The following ENO4 variants were observed in gnomAD, a reference collection of about 807,000 sequenced individuals.
ENO4 encodes enolase 4, also known as 2-phospho-D-glycerate hydro-lyase.
ENO4 carries 53 observed loss-of-function variants against 63.2 expected under a neutral mutation model. The ratio of observed to expected loss-of-function variants is 0.84; its 90% CI spans 0.67 to 1.05. The LOEUF (loss-of-function observed/expected upper bound fraction) is 1.05. Among genes scored for constraint, ENO4 ranks in the 50% least tolerant of loss-of-function variants. The pLI, the probability that ENO4 is intolerant of heterozygous loss-of-function variation, is 0.00. For missense variants in ENO4, 719 were observed against 772.0 expected (o/e 0.93, Z 0.81); for synonymous variants, 266 against 283.8 (o/e 0.94, Z 0.63).
At chr10:116,852,239 C>A (rs957353171) in intron 1 of ENO4, among the ~76,000 whole-genome samples, 1 of 152,198 alleles carries the variant, frequency 6.6e-6, no homozygotes, top group Admixed American at 6.5e-5. Context: ...CTGTGCAGAA[C>A]TGTGAGTCAA....
chr10:116,849,534 G>C lies in ENO4; in HGVS notation c.-33G>C, dbSNP rs888956007. 60 of 1,488,154 alleles carry C rather than the reference G, an allele frequency of 4.0e-5. No individual in the cohort carries two copies. The highest frequency in any genetic ancestry group is 7.0e-5 in the African/African-American group (5 of 71,198). The allele number at this position is 1,488,154 out of a possible 1,614,324, so 92.2% of individuals were successfully genotyped here. ...AGCAGGGACGCTCGTGGGACCCCAG[G>C]CTAAACCCCGCTGTAGCCTTAAATC... On this transcript the variant is annotated 5_prime_UTR_variant, in exon 1 of 14. Transcript: ENST00000341276.
chr10:116,909,174 T>C (rs975913075), intron 10 of ENO4, among the ~76,000 whole-genome samples: 5 of 152,196 alleles, frequency 3.3e-5, no homozygotes, highest in East Asian at 1.9e-4. Context: ...CAATAAGTCA[T>C]TGATAGGGCT....
chr10:116,884,938 G>A (rs1847118784), downstream of ENO4: 5 of 152,196 alleles, frequency 3.3e-5, no homozygotes, highest in Admixed American at 6.5e-5. Flanking sequence ...GAAAGATACA[G>A]TTGAAAAACA....
intron 10 of ENO4, among the ~76,000 whole-genome samples, chr10:116,910,655 A>G (rs1192765964): frequency 6.6e-6 from 1 of 152,246 alleles, no homozygotes; most frequent in African/African-American, 2.4e-5. Flanking sequence ...TGTGCCCCAG[A>G]GGACATCTTT....
At chr10:116,880,571 G>A (rs2133284664) in intron 13 of ENO4, among the ~76,000 whole-genome samples, 1 of 152,264 alleles carries the variant, frequency 6.6e-6, no homozygotes, top group East Asian at 1.9e-4. Flanking sequence ...GAGGCCTATA[G>A]CATGCAGTGG....
chr10:116,856,059 T>G (rs767678620), intron 2 of ENO4, among the ~76,000 whole-genome samples: 16 of 152,212 alleles, frequency 1.1e-4, no homozygotes, highest in Non-Finnish European at 1.8e-4. Flanking sequence ...ACATGTAGGT[T>G]TATAGATTAG....
At chr10:116,893,281 T>G (rs1261959770) in intron 10 of ENO4, among the ~76,000 whole-genome samples, 1 of 152,130 alleles carries the variant, frequency 6.6e-6, no homozygotes, top group African/African-American at 2.4e-5. Context: ...GAACATCCAG[T>G]TGTTCTGCTA....
At chr10:116,908,650 CTTGAT>C (rs960900845) in intron 10 of ENO4, among the ~76,000 whole-genome samples, 46 of 152,126 alleles carry the variant, frequency 3.0e-4, no homozygotes, top group African/African-American at 9.4e-4. Context: ...TTCTCAATGG[CTTGAT>C]TTAATTCAAG....
intron 10 of ENO4, among the ~76,000 whole-genome samples, chr10:116,907,217 G>C (rs1440117456): frequency 6.6e-6 from 1 of 152,176 alleles, no homozygotes; most frequent in Non-Finnish European, 1.5e-5. Flanking sequence ...CTGCACACCT[G>C]ATGTCCGTGG....
At position 116,855,740 on chromosome 10, in the gene ENO4, A is replaced by G. The variant is rs1179750007; in HGVS notation, c.283A>G (p.Asn95Asp). 16 of 1,534,880 alleles carry G rather than the reference A, an allele frequency of 1.0e-5. No homozygotes were observed. The highest frequency in any genetic ancestry group is 2.7e-5 in the African/African-American group (2 of 72,996). Residue 95 changes from asparagine (N) to aspartate (D), a missense_variant, in exon 2 of 14, where the codon AAC becomes GAC. Transcript: ENST00000341276. ...LQVDIFCTIQ[N>D]FPKNVCSVVI... is the part of the protein sequence containing the mutation. ...AGTGGACATATTCTGCACCATTCAA[A>G]ACTTTCCCAAGGTATGAGGCAGTTT...
At chr10:116,893,792 AGTTT>A (rs961957791) in intron 10 of ENO4, among the ~76,000 whole-genome samples, 41 of 152,326 alleles carry the variant, frequency 2.7e-4, no homozygotes, top group African/African-American at 9.6e-4. Context: ...TGAGATAATT[AGTTT>A]GAGAGAATAA....
At chr10:116,856,056 G>C (rs116913665) in intron 2 of ENO4, among the ~76,000 whole-genome samples, 1,771 of 152,142 alleles carry the variant, frequency 0.012, 21 homozygotes, top group Middle Eastern at 0.021. Flanking sequence ...TCTACATGTA[G>C]GTTTATAGAT....
downstream of ENO4, among the ~76,000 whole-genome samples, chr10:116,887,389 T>G (rs1301153179): frequency 6.6e-6 from 1 of 152,186 alleles, no homozygotes; most frequent in East Asian, 1.9e-4. Context: ...TGGAGGCAGC[T>G]GCAGCAGGCA....
Position 116,855,715 on chromosome 10 carries a change from A to G in ENO4, c.258A>G (p.Gln86=). The change falls in exon 2 of 14, where the codon CAA becomes CAG. Residue 86 remains glutamine (Q), a synonymous_variant. Coordinates refer to ENST00000341276, the MANE Select transcript of ENO4 (RefSeq NM_001242699.2). ...ATGGACTGGGGCTTCCAACCCTGCA[A>G]GTGGACATATTCTGCACCATTCAAA... ...VLDGLGLPTL[Q]VDIFCTIQNF... is the part of the protein sequence containing the mutation. 1 of 1,536,618 alleles carries G rather than the reference A, an allele frequency of 6.5e-7. No homozygotes were observed. The highest frequency in any genetic ancestry group is 8.7e-7 in the Non-Finnish European group (1 of 1,147,028).
intron 4 of ENO4, 128 bp from the exon 5 acceptor site, chr10:116,860,666 T>A (rs1846385192): frequency 1.5e-6 from 1 of 645,724 alleles, no homozygotes; most frequent in Admixed American, 3.8e-5. Context: ...CAGAAAACTT[T>A]TTGGGGGTTG....
chr10:116,849,804 C>A (rs1846011020), intron 1 of ENO4, 73 bp downstream of exon 1: 1 of 1,406,932 alleles, frequency 7.1e-7, no homozygotes, highest in South Asian at 1.4e-5. Flanking sequence ...CAACGCCTTG[C>A]GCCTGCGCCT....
intron 6 of ENO4, 123 bp from the exon 7 acceptor site, chr10:116,862,676 A>C (rs1270840049): frequency 4.5e-6 from 3 of 663,900 alleles, no homozygotes; most frequent in Admixed American, 2.5e-5. Flanking sequence ...TTTGTAGAGC[A>C]TATCATCTGC....
At chr10:116,900,612 A>G in intron 10 of ENO4, 1 of 1,527,600 alleles carries the variant, frequency 6.5e-7, no homozygotes, top group Non-Finnish European at 8.8e-7. Flanking sequence ...AACTTGTCTC[A>G]GCCAAATTGC....
intron 10 of ENO4, among the ~76,000 whole-genome samples, chr10:116,893,579 C>CACACACACACACACACACAT (rs1287595303): frequency 6.6e-5 from 10 of 150,448 alleles, no homozygotes; most frequent in African/African-American, 1.5e-4. Context: ...CTCATGTGCA[C>CACACACACACACACACACAT]ACACACACAC....
Sources: gnomAD v4.1 joint callset for allele counts (sites outside exome capture counted in the v4.1 genomes callset) on GRCh38, gnomAD v4.1.1 for gene constraint, MANE v1.5 for transcripts, NCBI Gene and HGNC (gene_info 2026-07-23, HGNC 2026-07-21) for gene names.